The following MACROD2 variants were observed in gnomAD, a reference collection of about 807,000 sequenced individuals.
MACROD2 encodes the protein mono-ADP ribosylhydrolase 2.
A neutral mutation model predicts 70.4 loss-of-function variants in MACROD2; 36 were observed. The ratio of observed to expected loss-of-function variants is 0.51; its 90% CI spans 0.39 to 0.68. The LOEUF (loss-of-function observed/expected upper bound fraction) is 0.68, where lower values mean the gene tolerates loss of function less well. Ranked by LOEUF, MACROD2 falls within the 30% of genes least tolerant of loss-of-function variation. The pLI is 0.00. For synonymous variants in MACROD2, 172 were observed against 178.8 expected (o/e 0.96, Z 0.30); for missense variants, 496 against 538.4 (o/e 0.92, Z 0.78).
rs536943683 is a variant in MACROD2, at chr20:14,186,952, G to A, written c.271+101224G>A. Reference sequence around the variant, plus strand: ...AGACACAGGGCACTGGGGACTATTTGAGGGCGGAGATGGGAAGGGAGGCAA... The same window carrying A: ...AGACACAGGGCACTGGGGACTATTTAAGGGCGGAGATGGGAAGGGAGGCAA... On this transcript the variant is annotated intron_variant, in intron 3 of 17. Coordinates refer to ENST00000684519, the MANE Select transcript of MACROD2 (RefSeq NM_001351661.2). Among the ~76,000 whole-genome samples, 7 of 152,246 alleles carry A rather than the reference G, an allele frequency of 4.6e-5. No individual in the cohort carries two copies. In the South Asian group the frequency reaches 1.4e-3, roughly 32 times the overall value.
At chr20:15,021,597 G>T (rs2075185739) in intron 5 of MACROD2, 1 of 151,578 alleles carries the variant, frequency 6.6e-6, no homozygotes, top group African/African-American at 2.4e-5. Flanking sequence ...TCCATGCACA[G>T]GGGCCATGCT....
At chr20:14,918,623 T>TC (rs1050971167) in intron 5 of MACROD2, among the ~76,000 whole-genome samples, 1 of 151,518 alleles carries the variant, frequency 6.6e-6, no homozygotes. Context: ...TTTTGTTTTT[T>TC]TTTTTTTTTC....
chr20:15,473,829 G>A lies in MACROD2; in HGVS notation c.572-25945G>A, dbSNP rs186600847. On this transcript the variant is annotated intron_variant, in intron 7 of 17. Transcript: ENST00000684519. The stretch of plus-strand genomic sequence containing the variant: ...GATATCCACGTGGGTTTACTAATCA[G>A]ATTTGCATGTTTTTCAATAGCACAC... 3.3e-4 allele frequency among the ~76,000 whole-genome samples: 50 copies of A among 152,246 alleles called. 1 individual carries two copies. The highest frequency in any genetic ancestry group is 2.6e-3 in the Admixed American group (40 of 15,294).
chr20:14,250,446 T>C (rs1258141965), intron 3 of MACROD2, among the ~76,000 whole-genome samples: 2 of 152,170 alleles, frequency 1.3e-5, no homozygotes, highest in Non-Finnish European at 2.9e-5. Flanking sequence ...AATGAATACT[T>C]ACCTACTACC....
chr20:15,050,874 A>T (rs1443536124), intron 5 of MACROD2, among the ~76,000 whole-genome samples: 1 of 152,144 alleles, frequency 6.6e-6, no homozygotes, highest in Non-Finnish European at 1.5e-5. Flanking sequence ...TAGAATAAAG[A>T]TGACTCTTGG....
chr20:15,622,087 C>T (rs915418553), intron 8 of MACROD2, among the ~76,000 whole-genome samples: 3 of 152,022 alleles, frequency 2.0e-5, no homozygotes, highest in African/African-American at 4.8e-5. Flanking sequence ...GGGGATGGGG[C>T]GAGGCATTGC....
chr20:14,699,202 C>G (rs1444407620), intron 5 of MACROD2, among the ~76,000 whole-genome samples: 1 of 152,080 alleles, frequency 6.6e-6, no homozygotes, highest in African/African-American at 2.4e-5. Context: ...CGTTCAAAGT[C>G]TATTTCTAAG....
At chr20:15,605,453 C>T (rs1038017898) in intron 8 of MACROD2, among the ~76,000 whole-genome samples, 13 of 141,786 alleles carry the variant, frequency 9.2e-5, no homozygotes, top group Non-Finnish European at 1.7e-4. Flanking sequence ...AGGATGTAAG[C>T]GTGTGTGTGT....
chr20:15,414,101 A>G (rs991243846), intron 6 of MACROD2, among the ~76,000 whole-genome samples: 5 of 152,328 alleles, frequency 3.3e-5, no homozygotes, highest in African/African-American at 1.2e-4. Context: ...CAAAAGACTA[A>G]AAGTGCATTT....
At chr20:14,167,267 GTTAT>G (rs1032985089) in intron 3 of MACROD2, among the ~76,000 whole-genome samples, 5 of 151,862 alleles carry the variant, frequency 3.3e-5, no homozygotes, top group African/African-American at 1.2e-4. Flanking sequence ...TTTGTCCTAT[GTTAT>G]TTATTTCAAG....
chr20:14,930,802 G>T (rs1183731534), intron 5 of MACROD2, among the ~76,000 whole-genome samples: 6 of 114,504 alleles, frequency 5.2e-5, no homozygotes, highest in South Asian at 5.8e-4. Context: ...TCTATCTCCT[G>T]TTCCCATGTT....
At chr20:14,892,276 A>G (rs1046683338) in intron 5 of MACROD2, among the ~76,000 whole-genome samples, 26 of 152,130 alleles carry the variant, frequency 1.7e-4, no homozygotes, top group African/African-American at 4.8e-4. Flanking sequence ...GTTCGAGACC[A>G]GTCTGGCCAA....
At chr20:14,213,547 T>C (rs993965070) in intron 3 of MACROD2, among the ~76,000 whole-genome samples, 1 of 151,594 alleles carries the variant, frequency 6.6e-6, no homozygotes, top group African/African-American at 2.4e-5. Context: ...GCAAGCAACC[T>C]TGTTGAACCA....
chr20:14,125,949 G>T (rs370790373), intron 3 of MACROD2, among the ~76,000 whole-genome samples: 4 of 152,096 alleles, frequency 2.6e-5, no homozygotes, highest in African/African-American at 7.2e-5. Context: ...TCAACATCTT[G>T]TTTTGTTATA....
At chr20:15,069,428 C>T (rs1220603478) in intron 5 of MACROD2, among the ~76,000 whole-genome samples, 2 of 152,116 alleles carry the variant, frequency 1.3e-5, no homozygotes, top group African/African-American at 4.8e-5. Flanking sequence ...TGAAAGGGAG[C>T]CAAGTGCTAA....
chr20:16,000,099 G>C (rs904519826), intron 15 of MACROD2, among the ~76,000 whole-genome samples: 1 of 152,150 alleles, frequency 6.6e-6, no homozygotes, highest in Non-Finnish European at 1.5e-5. Flanking sequence ...AATAAATAAA[G>C]TTTTCTTAGA....
intron 3 of MACROD2, among the ~76,000 whole-genome samples, chr20:14,302,656 TTTG>T (rs1356094641): frequency 2.0e-5 from 3 of 151,974 alleles, no homozygotes; most frequent in Admixed American, 1.3e-4. Context: ...AAGTGTTTTT[TTTG>T]TTGTTGTTTT....
intron 3 of MACROD2, among the ~76,000 whole-genome samples, chr20:14,334,459 A>G (rs2082900561): frequency 6.6e-6 from 1 of 152,158 alleles, no homozygotes; most frequent in Non-Finnish European, 1.5e-5. Flanking sequence ...CTGAAGAGAA[A>G]ATGCAGTTTT....
chr20:15,327,491 A>T (rs551956300), intron 6 of MACROD2, among the ~76,000 whole-genome samples: 3 of 152,206 alleles, frequency 2.0e-5, no homozygotes, highest in African/African-American at 7.2e-5. Flanking sequence ...AGGGGAAGCA[A>T]ACACGTCCTT....
Sources: allele counts gnomAD v4.1 joint callset (sites outside exome capture counted in the v4.1 genomes callset), GRCh38; gene constraint gnomAD v4.1.1; transcripts MANE v1.5; gene names NCBI Gene and HGNC (gene_info 2026-07-23, HGNC 2026-07-21).